RBM6: variants seen among roughly 807,000 people sequenced by gnomAD.
RBM6 encodes the protein RNA-binding protein 6.
A neutral mutation model predicts 140.4 loss-of-function variants in RBM6; 23 were observed. The observed-to-expected ratio is 0.16, with a 90% confidence interval of 0.12 to 0.23. The LOEUF is 0.23. RBM6 is among the 10% of genes least tolerant of loss of function. RBM6 has a pLI of 1.00. For missense variants in RBM6, 1,139 were observed against 1,386.7 expected, an observed-to-expected ratio of 0.82 and a Z score of 2.84; for synonymous variants, 439 against 475.6, an observed-to-expected ratio of 0.92 and a Z score of 1.00.
chr3:49,963,660 T>C (rs2084382423), intron 2 of RBM6, among the ~76,000 whole-genome samples: 1 of 152,174 alleles, frequency 6.6e-6, no homozygotes, highest in South Asian at 2.1e-4. Context: ...TAGCATTTAG[T>C]TGTAAATAGA....
rs1272390856 is a variant in RBM6 at position 49,968,755 on chromosome 3, T to G, written c.1323+7T>G. 1.3e-6 allele frequency: 2 copies of G among 1,567,124 alleles called. No individual in the cohort carries two copies. Among genetic ancestry groups the G allele is most frequent in the Admixed American group, 2.1e-5 (1 of 48,376 alleles). On this transcript the variant is annotated splice_region_variant and intron_variant, in intron 3 of 20. Coordinates refer to ENST00000266022, the MANE Select transcript of RBM6 (RefSeq NM_005777.3). ...TGCCCAACGGGACCTTCAGGTATGT[T>G]GATGGGGTGGATTGCTTTTTTTTTT...
At chr3:50,057,036 T>A (rs1406655783) in intron 8 of RBM6, among the ~76,000 whole-genome samples, 1 of 152,186 alleles carries the variant, frequency 6.6e-6, no homozygotes, top group African/African-American at 2.4e-5. Flanking sequence ...AAACCTTAAG[T>A]AAGGGCCATA....
intron 15 of RBM6, among the ~76,000 whole-genome samples, chr3:50,063,438 A>G (rs972752204): frequency 6.6e-6 from 1 of 151,814 alleles, no homozygotes; most frequent in Admixed American, 6.6e-5. Flanking sequence ...CATCTCTACC[A>G]AAAATACAAA....
chr3:50,036,809 G>A (rs889401586), intron 6 of RBM6, among the ~76,000 whole-genome samples: 1 of 152,020 alleles, frequency 6.6e-6, no homozygotes. Flanking sequence ...GGAGATGGGA[G>A]TCTTGCTCTG....
chr3:50,069,284 G>A (rs566760260), intron 18 of RBM6, among the ~76,000 whole-genome samples: 121 of 152,188 alleles, frequency 8.0e-4, no homozygotes, highest in African/African-American at 2.7e-3. Context: ...AGGCTGAGAC[G>A]GGCGGATCAC....
intron 17 of RBM6, 71 bp downstream of exon 17, chr3:50,066,573 A>G: frequency 3.2e-6 from 5 of 1,541,622 alleles, no homozygotes; most frequent in Non-Finnish European, 4.4e-6. Context: ...CATGCCTGTA[A>G]TCCTAGCACT....
intron 5 of RBM6, among the ~76,000 whole-genome samples, chr3:49,984,864 A>G (rs1312936348): frequency 1.3e-5 from 2 of 152,296 alleles, no homozygotes; most frequent in East Asian, 3.9e-4. Flanking sequence ...GAGGAGGAGG[A>G]TGCCACTTAC....
At chr3:50,058,751 A>C (rs894711673) in intron 10 of RBM6, 189 bp downstream of exon 10, 1 of 437,080 alleles carries the variant, frequency 2.3e-6, no homozygotes, top group African/African-American at 2.0e-5. Flanking sequence ...TGTCTCTACT[A>C]AAAAATACAG....
chr3:49,951,261 G>A (rs1446250382), intron 1 of RBM6, among the ~76,000 whole-genome samples: 1 of 152,174 alleles, frequency 6.6e-6, no homozygotes, highest in Non-Finnish European at 1.5e-5. Context: ...TGCCCAGGCT[G>A]GAGTACAGTG....
At chr3:50,013,781 G>C (rs1020852519) in intron 6 of RBM6, among the ~76,000 whole-genome samples, 1 of 152,214 alleles carries the variant, frequency 6.6e-6, no homozygotes, top group Non-Finnish European at 1.5e-5. Context: ...CAAAGGGGAA[G>C]CAAACTTTCC....
chr3:49,948,875 G>A (rs1427379548), intron 1 of RBM6, among the ~76,000 whole-genome samples: 1 of 141,084 alleles, frequency 7.1e-6, no homozygotes, highest in African/African-American at 2.6e-5. Context: ...CTGTCGCCCA[G>A]GCTGGAGTGC....
chr3:50,010,961 A>G (rs2086818373), intron 6 of RBM6, among the ~76,000 whole-genome samples: 1 of 150,038 alleles, frequency 6.7e-6, no homozygotes, highest in African/African-American at 2.5e-5. Flanking sequence ...GAATGAGTCC[A>G]GATCTAAAAT....
chr3:49,968,286 T>A lies in RBM6; in HGVS notation c.861T>A (p.Pro287=). ...CMEFKDREMP[P]VDPNILDYIQ... Reference sequence around the variant, plus strand: ...AATTTAAAGATAGGGAGATGCCCCCTGTGGATCCAAATATTTTGGATTACA... The same window carrying A: ...AATTTAAAGATAGGGAGATGCCCCCAGTGGATCCAAATATTTTGGATTACA... The change falls in exon 3 of 21, where the codon CCT becomes CCA. Residue 287 remains proline (P), a synonymous_variant. Transcript: ENST00000266022. The A allele has an allele frequency of 6.2e-7, 1 of 1,614,128 alleles. No individual in the cohort carries two copies. The highest frequency in any genetic ancestry group is 1.1e-5 in the South Asian group (1 of 91,084).
Position 50,057,815 on chromosome 3 carries a change from C to T in RBM6, c.1781C>T (p.Pro594Leu). The change falls in exon 9 of 21, where the codon CCC becomes CTC. Residue 594 changes from proline (P) to leucine (L), a missense_variant. By Grantham distance (98) the Pro-to-Leu change is moderately conservative (BLOSUM62 -3). Coordinates refer to ENST00000266022, the MANE Select transcript of RBM6 (RefSeq NM_005777.3). The part of the protein sequence containing the change: ...PAPLEKQPNQ[P>L]LRPADKEPEP... ...CCATTGGAAAAACAGCCCAACCAGC[C>T]CCTAAGACCAGCTGATAAGGAACCT... The T allele has an allele frequency of 6.2e-7, 1 of 1,613,748 alleles. No individual in the cohort carries two copies. The highest frequency in any genetic ancestry group is 1.3e-5 in the African/African-American group (1 of 74,910).
At chr3:50,031,350 A>G (rs1194420145) in intron 6 of RBM6, among the ~76,000 whole-genome samples, 1 of 152,232 alleles carries the variant, frequency 6.6e-6, no homozygotes, top group African/African-American at 2.4e-5. Flanking sequence ...CATCAATGAT[A>G]GACTGGATTA....
chr3:50,025,081 T>G (rs985351126), intron 6 of RBM6, among the ~76,000 whole-genome samples: 7 of 133,908 alleles, frequency 5.2e-5, no homozygotes, highest in East Asian at 4.1e-4. Flanking sequence ...GGACTGTGGG[T>G]TTTTTTTTTT....
intron 6 of RBM6, among the ~76,000 whole-genome samples, chr3:50,022,657 A>G (rs760360309): frequency 6.6e-6 from 1 of 152,114 alleles, no homozygotes; most frequent in African/African-American, 2.4e-5. Context: ...CCCTTAGGTT[A>G]TTAGTAGGCA....
chr3:50,010,628 CAGGGTGGCT>C (rs2108765616), intron 6 of RBM6, among the ~76,000 whole-genome samples: 1 of 151,924 alleles, frequency 6.6e-6, no homozygotes, highest in Non-Finnish European at 1.5e-5. Context: ...TAAGGCCAGG[CAGGGTGGCT>C]CACACCTGTA....
chr3:50,034,440 C>A (rs1412390130), intron 6 of RBM6, among the ~76,000 whole-genome samples: 1 of 152,156 alleles, frequency 6.6e-6, no homozygotes, highest in Non-Finnish European at 1.5e-5. Flanking sequence ...ATAACTCTTT[C>A]CATTCTGCAG....
Sources: allele counts gnomAD v4.1 joint callset (sites outside exome capture counted in the v4.1 genomes callset), GRCh38; gene constraint gnomAD v4.1.1; transcripts MANE v1.5; gene names NCBI Gene and HGNC (gene_info 2026-07-23, HGNC 2026-07-21).